Variants in MIER1 observed in about 807,000 individuals in gnomAD.
MIER1 encodes the protein MIER1 transcriptional regulator.
Under a neutral mutation model 75.7 loss-of-function variants are expected in MIER1, and 40 were observed. The ratio of observed to expected loss-of-function variants is 0.53; its 90% confidence interval spans 0.41 to 0.69. The LOEUF is 0.69. Ranked by LOEUF, MIER1 falls within the 30% of genes least tolerant of loss-of-function variation. MIER1 has a pLI of 0.00. For synonymous variants in MIER1, 213 were observed against 223.4 expected (o/e 0.95, Z 0.42); for missense variants, 574 against 680.2 (o/e 0.84, Z 1.74).
chr1:66,931,363 A>T (rs1205922901), intron 2 of MIER1, among the ~76,000 whole-genome samples: 3 of 152,214 alleles, frequency 2.0e-5, no homozygotes, highest in African/African-American at 7.2e-5. Flanking sequence ...TTACCCGTGG[A>T]AGAATTTCAG....
intron 4 of MIER1, chr1:66,946,801 C>T: frequency 1.0e-6 from 1 of 985,008 alleles, no homozygotes; most frequent in Non-Finnish European, 1.2e-6. Context: ...TCACTTTTCT[C>T]TCACTACCTT....
At chr1:66,966,515 T>A (rs1302833217) in intron 8 of MIER1, among the ~76,000 whole-genome samples, 1 of 152,236 alleles carries the variant, frequency 6.6e-6, no homozygotes, top group African/African-American at 2.4e-5. Context: ...TGTGTCTTTA[T>A]AGCAGCGTGA....
chr1:66,926,335 G>GTTTGAGAACTGATGGGCCAAAAAT, intron 2 of MIER1, 93 bp downstream of exon 2: 1 of 998,782 alleles, frequency 1.0e-6, no homozygotes, highest in Non-Finnish European at 1.5e-6. Context: ...ATGTTCCAGT[G>GTTTGAGAACTGATGGGCCAAAAAT]TTTGAGAACT....
chr1:66,985,767 TC>T lies in MIER1; in HGVS notation c.*868del. 1.1e-6 allele frequency: 1 copy of T among 950,218 alleles called. No individual in the cohort carries two copies. The highest frequency in any genetic ancestry group is 4.9e-5 in the South Asian group (1 of 20,522). 58.9% of individuals were successfully genotyped at this position (950,218 alleles called of 1,614,324 possible). A position where few individuals can be genotyped will look rare whatever the true frequency, so the allele number is the denominator to read the frequency against. ...TTTAAGTGTTTGTGTAGTAATTAAG[TC>T]ATATTTCTTATCCAGGTGGTTAAAG... On this transcript the variant is annotated 3_prime_UTR_variant, in exon 14 of 14. Transcript: ENST00000401041.
At chr1:66,960,002 T>C (rs1233204700) in intron 7 of MIER1, 1 of 218,510 alleles carries the variant, frequency 4.6e-6, no homozygotes, top group African/African-American at 2.3e-5. Context: ...GCGGATCGCT[T>C]GAGCCCAGGA....
intron 8 of MIER1, among the ~76,000 whole-genome samples, chr1:66,966,353 A>G (rs1662399806): frequency 6.6e-6 from 1 of 152,132 alleles, no homozygotes; most frequent in South Asian, 2.1e-4. Context: ...TATCCCTACA[A>G]AGGACATAAA....
Position 66,984,601 on chromosome 1 carries a change from T to C in MIER1, c.1399T>C (p.Leu467=), listed in dbSNP as rs779831082. 6 of 1,606,862 alleles carry C rather than the reference T, an allele frequency of 3.7e-6. No individual in the cohort carries two copies. The highest frequency in any genetic ancestry group is 1.1e-5 in the South Asian group (1 of 88,926). ...GTCATCTAATGGACCAGGTGAAATA[T>C]TAAACAAAGAGGAAGTAAAAGTTGA... ...GVSSNGPGEI[L]NKEEVKVEGL... is the part of the protein sequence containing the mutation. The change falls in exon 14 of 14, where the codon TTA becomes CTA. Residue 467 remains leucine (L), a synonymous_variant. Coordinates refer to ENST00000401041, the MANE Select transcript of MIER1 (RefSeq NM_001077700.3).
chr1:66,947,891 C>G lies in MIER1; in HGVS notation c.339+1596C>G, dbSNP rs1658043294. 3.1e-6 allele frequency: 3 copies of G among 982,384 alleles called. No homozygotes were observed. The Admixed American group carries it at 1.8e-4, about 60-fold the overall frequency. The allele number at this position is 982,384 out of a possible 1,614,324, so 60.9% of individuals were successfully genotyped here. A position where few individuals can be genotyped will look rare whatever the true frequency, so the allele number is the denominator to read the frequency against. Reference sequence around the variant, plus strand: ...CAAGGGTTTTCAGCTCATTCTCACTCTCTGGTATATGCATCCCAAGGCCGG... The same window carrying G: ...CAAGGGTTTTCAGCTCATTCTCACTGTCTGGTATATGCATCCCAAGGCCGG... On this transcript the variant is annotated intron_variant, in intron 4 of 13. Transcript: ENST00000401041.
chr1:66,941,501 T>C (rs1570173335), intron 3 of MIER1, among the ~76,000 whole-genome samples: 1 of 152,200 alleles, frequency 6.6e-6, no homozygotes, highest in African/African-American at 2.4e-5. Flanking sequence ...TATTGTGATA[T>C]TGCAAATAAA....
intron 2 of MIER1, chr1:66,930,439 G>T: frequency 6.2e-7 from 1 of 1,601,968 alleles, no homozygotes; most frequent in South Asian, 1.1e-5. Flanking sequence ...CCGGAGCCGG[G>T]CGCCCCCGGC....
At chr1:66,951,451 A>G (rs1386671060) in intron 4 of MIER1, among the ~76,000 whole-genome samples, 1 of 151,668 alleles carries the variant, frequency 6.6e-6, no homozygotes, top group Admixed American at 6.6e-5. Flanking sequence ...TAAAAAGTCC[A>G]TTTCTCCCAC....
intron 8 of MIER1, among the ~76,000 whole-genome samples, chr1:66,965,084 C>G (rs982857791): frequency 6.6e-6 from 1 of 152,094 alleles, no homozygotes; most frequent in African/African-American, 2.4e-5. Flanking sequence ...CAAGGTAATT[C>G]CTGCAAGATA....
intron 2 of MIER1, among the ~76,000 whole-genome samples, chr1:66,934,275 A>G (rs1321077064): frequency 6.6e-6 from 1 of 152,216 alleles, no homozygotes; most frequent in Non-Finnish European, 1.5e-5. Context: ...GATCATAGAG[A>G]AAATGAAAGT....
Position 66,984,672 on chromosome 1 carries a change from T to G in MIER1, c.1470T>G (p.Leu490=). Residue 490 remains leucine (L), a synonymous_variant, in exon 14 of 14, where the codon CTT becomes CTG. Coordinates refer to ENST00000401041, the MANE Select transcript of MIER1 (RefSeq NM_001077700.3). The stretch of plus-strand genomic sequence containing the variant: ...CAACAGGTGGAAATAAGAAACCACT[T>G]CATGCAGATATGGATACTAATGGTT... The part of the protein sequence containing the change: ...NGPTGGNKKP[L]HADMDTNGYE... The G allele has an allele frequency of 6.2e-7, 1 of 1,614,024 alleles. No individual in the cohort carries two copies. Among genetic ancestry groups the G allele is most frequent in the South Asian group, 1.1e-5 (1 of 91,084 alleles).
At chr1:66,955,379 G>A (rs1011697854) in intron 4 of MIER1, among the ~76,000 whole-genome samples, 1 of 120,594 alleles carries the variant, frequency 8.3e-6, no homozygotes, top group African/African-American at 3.3e-5. Context: ...GCAGGTACTC[G>A]GGCCTCACTG....
chr1:66,961,767 C>T (rs1374697539), intron 7 of MIER1, among the ~76,000 whole-genome samples: 1 of 152,080 alleles, frequency 6.6e-6, no homozygotes, highest in Non-Finnish European at 1.5e-5. Flanking sequence ...AAAAGAGGCA[C>T]AAGATGTGAC....
intron 8 of MIER1, among the ~76,000 whole-genome samples, chr1:66,963,647 C>T (rs1022778162): frequency 3.9e-5 from 6 of 152,146 alleles, no homozygotes; most frequent in Non-Finnish European, 7.3e-5. Context: ...CCGTGGCTCA[C>T]GCCTGTAATC....
chr1:66,935,913 T>A (rs1654697360), intron 2 of MIER1, among the ~76,000 whole-genome samples: 1 of 152,166 alleles, frequency 6.6e-6, no homozygotes, highest in Non-Finnish European at 1.5e-5. Context: ...AAGAACTATG[T>A]ATCATTTCTA....
At chr1:66,938,838 G>A (rs896452802) in intron 2 of MIER1, among the ~76,000 whole-genome samples, 8 of 152,012 alleles carry the variant, frequency 5.3e-5, no homozygotes, top group African/African-American at 1.7e-4. Flanking sequence ...AGAAAAAGTA[G>A]GACCTTTGAA....
Sources: gnomAD v4.1 joint callset for allele counts (sites outside exome capture counted in the v4.1 genomes callset) on GRCh38, gnomAD v4.1.1 for gene constraint, MANE v1.5 for transcripts, NCBI Gene and HGNC (gene_info 2026-07-23, HGNC 2026-07-21) for gene names.